ZBTB20: variants seen among roughly 807,000 people sequenced by gnomAD.
ZBTB20 encodes the protein zinc finger and BTB domain-containing protein 20.
A neutral mutation model predicts 56.9 loss-of-function variants in ZBTB20; 9 were observed. That is an observed-to-expected ratio of 0.16 (90% CI 0.10 to 0.28). The LOEUF is 0.28. ZBTB20 is among the 10% of genes least tolerant of loss of function. ZBTB20 has a pLI of 1.00. For synonymous variants in ZBTB20, 417 were observed against 420.7 expected (o/e 0.99, Z 0.11); for missense variants, 655 against 1,003.0 (o/e 0.65, Z 4.69).
At chr3:115,120,786 T>C (rs988452666) in intron 1 of ZBTB20, among the ~76,000 whole-genome samples, 2 of 152,006 alleles carry the variant, frequency 1.3e-5, no homozygotes, top group African/African-American at 2.4e-5. Context: ...CTGTAACAGA[T>C]TGGCACCATA....
intron 5 of ZBTB20, among the ~76,000 whole-genome samples, chr3:114,773,042 T>C (rs1560232904): frequency 6.6e-6 from 1 of 152,174 alleles, no homozygotes; most frequent in African/African-American, 2.4e-5. Flanking sequence ...GGCTCTGACA[T>C]ATAGGGACAG....
rs1404641607 is a variant in ZBTB20 at position 114,338,796 on chromosome 3, C to T, written c.*209G>A. ...CACCATCCGAGGGAGACTGGGAAAA[C>T]TATTATTCACCCAAGCCTCCGGAAA... On this transcript the variant is annotated 3_prime_UTR_variant, in exon 12 of 12. Transcript: ENST00000675478. 4 of 504,312 alleles carry T rather than the reference C, an allele frequency of 7.9e-6. No individual in the cohort carries two copies. Among genetic ancestry groups the T allele is most frequent in the Non-Finnish European group, 1.3e-5 (4 of 306,292 alleles). 31.2% of individuals were successfully genotyped at this position (504,312 alleles called of 1,614,324 possible).
intron 6 of ZBTB20, among the ~76,000 whole-genome samples, chr3:114,611,355 C>G (rs1018839623): frequency 1.1e-4 from 17 of 152,154 alleles, no homozygotes; most frequent in African/African-American, 4.1e-4. Context: ...CAGAGTCTTG[C>G]ATATCAGAAA....
At chr3:114,756,100 A>C (rs912116352) in intron 5 of ZBTB20, among the ~76,000 whole-genome samples, 2 of 151,784 alleles carry the variant, frequency 1.3e-5, no homozygotes, top group Non-Finnish European at 2.9e-5. Context: ...ATTTATGTTT[A>C]TTTTTTCATT....
chr3:114,342,174 T>C (rs2079830455), intron 11 of ZBTB20, among the ~76,000 whole-genome samples: 2 of 152,164 alleles, frequency 1.3e-5, no homozygotes, highest in African/African-American at 4.8e-5. Context: ...TGAAACGCAG[T>C]CACTCAGCAG....
intron 2 of ZBTB20, among the ~76,000 whole-genome samples, chr3:115,065,137 T>A (rs1275116173): frequency 1.3e-5 from 2 of 152,146 alleles, no homozygotes; most frequent in African/African-American, 2.4e-5. Flanking sequence ...TTCCATTTAT[T>A]TGACTTTTTT....
intron 6 of ZBTB20, among the ~76,000 whole-genome samples, chr3:114,592,103 C>T (rs1439294889): frequency 6.6e-6 from 1 of 152,146 alleles, no homozygotes; most frequent in African/African-American, 2.4e-5. Flanking sequence ...GAATCCAGGA[C>T]CGACCTCAAT....
chr3:114,425,807 A>G (rs2089595341), intron 7 of ZBTB20, among the ~76,000 whole-genome samples: 1 of 152,174 alleles, frequency 6.6e-6, no homozygotes, highest in Admixed American at 6.5e-5. Flanking sequence ...CCAAATAATA[A>G]AAAGCATTCT....
chr3:114,770,487 C>T (rs965075084), intron 5 of ZBTB20, among the ~76,000 whole-genome samples: 1 of 151,400 alleles, frequency 6.6e-6, no homozygotes, highest in Non-Finnish European at 1.5e-5. Context: ...TAACCAAATA[C>T]CACCTGTACC....
intron 7 of ZBTB20, among the ~76,000 whole-genome samples, chr3:114,408,976 G>A (rs922060832): frequency 6.6e-6 from 1 of 151,866 alleles, no homozygotes; most frequent in Non-Finnish European, 1.5e-5. Flanking sequence ...TAAGGTCCTC[G>A]CCTTCATACA....
At chr3:114,753,675 C>G (rs2067779886) in intron 5 of ZBTB20, among the ~76,000 whole-genome samples, 1 of 151,962 alleles carries the variant, frequency 6.6e-6, no homozygotes, top group African/African-American at 2.4e-5. Context: ...CTCAGGTGAT[C>G]TGCCCGCCTT....
intron 3 of ZBTB20, among the ~76,000 whole-genome samples, chr3:114,941,561 G>T (rs2076724773): frequency 6.8e-6 from 1 of 146,256 alleles, no homozygotes; most frequent in Non-Finnish European, 1.5e-5. Context: ...ATATGTCTCT[G>T]ATGAGCAGGG....
At chr3:114,628,537 C>G (rs2058764425) in intron 6 of ZBTB20, among the ~76,000 whole-genome samples, 1 of 152,136 alleles carries the variant, frequency 6.6e-6, no homozygotes, top group Non-Finnish European at 1.5e-5. Context: ...CTTAGGACTA[C>G]AAATCTGAGG....
At chr3:115,048,021 C>T (rs2108422754) in intron 2 of ZBTB20, among the ~76,000 whole-genome samples, 1 of 151,460 alleles carries the variant, frequency 6.6e-6, no homozygotes, top group South Asian at 2.1e-4. Flanking sequence ...GAGATCGAGA[C>T]CATCCTGGCT....
intron 4 of ZBTB20, among the ~76,000 whole-genome samples, chr3:114,858,175 TACA>T (rs2075335999): frequency 1.3e-5 from 2 of 152,190 alleles, no homozygotes; most frequent in Admixed American, 6.5e-5. Context: ...TTCACTTGCA[TACA>T]ACAGTAAAAA....
At position 114,746,689 on chromosome 3, in the gene ZBTB20, A is replaced by T. The variant is rs1480603201; in HGVS notation, c.-342-53114T>A. 2.0e-5 allele frequency among the ~76,000 whole-genome samples: 3 copies of T among 152,330 alleles called. No individual in the cohort carries two copies. In the South Asian group the frequency reaches 6.2e-4, roughly 32 times the overall value. The stretch of plus-strand genomic sequence containing the variant: ...TACAAGCTTCATTTTACTTTCTGTT[A>T]TAAGGAGGGTTTTGTTTGGGTTGGT... On this transcript the variant is annotated intron_variant, in intron 5 of 11. Coordinates refer to ENST00000675478, the MANE Select transcript of ZBTB20 (RefSeq NM_001348800.3).
At chr3:114,859,188 C>A (rs1282984555) in intron 4 of ZBTB20, among the ~76,000 whole-genome samples, 1 of 151,916 alleles carries the variant, frequency 6.6e-6, no homozygotes, top group Non-Finnish European at 1.5e-5. Flanking sequence ...GCCCACCTTT[C>A]TTCCTTCCTT....
intron 4 of ZBTB20, among the ~76,000 whole-genome samples, chr3:114,821,694 C>G (rs900742237): frequency 6.6e-6 from 1 of 152,080 alleles, no homozygotes; most frequent in African/African-American, 2.4e-5. Flanking sequence ...GTTTAGCCAG[C>G]CTTTGCAGAT....
chr3:114,982,500 G>T (rs1434010510), intron 2 of ZBTB20, among the ~76,000 whole-genome samples: 18 of 151,950 alleles, frequency 1.2e-4, no homozygotes, highest in African/African-American at 3.9e-4. Context: ...TCCATGAAGA[G>T]AAAAGGCTGA....
Sources: allele counts gnomAD v4.1 joint callset (sites outside exome capture counted in the v4.1 genomes callset), GRCh38; gene constraint gnomAD v4.1.1; transcripts MANE v1.5; gene names NCBI Gene and HGNC (gene_info 2026-07-23, HGNC 2026-07-21).